The following EPHA3 variants were observed in gnomAD, a reference collection of about 807,000 sequenced individuals.
EPHA3 encodes the protein EPH receptor A3.
EPHA3 carries 42 observed loss-of-function variants against 107.1 expected under a neutral mutation model. The observed-to-expected ratio is 0.39, with a 90% CI of 0.31 to 0.51. The LOEUF is 0.51. EPHA3 is among the 20% of genes least tolerant of loss of function. The pLI is 0.78. For synonymous variants in EPHA3, 461 were observed against 424.8 expected, an observed-to-expected ratio of 1.09 and a Z score of -1.05; for missense variants, 1,183 against 1,211.2, an observed-to-expected ratio of 0.98 and a Z score of 0.35.
chr3:89,230,455 G>C (rs1290017707), intron 3 of EPHA3, among the ~76,000 whole-genome samples: 1 of 152,088 alleles, frequency 6.6e-6, no homozygotes, highest in African/African-American at 2.4e-5. Context: ...CATTGTATGT[G>C]GAGTGAGCTG....
rs778090081 is a variant in EPHA3, at chr3:89,392,364, G to A, written c.1307-3473G>A. Among the ~76,000 whole-genome samples the A allele has an allele frequency of 4.7e-4, 71 of 151,898 alleles. 1 individual carries two copies. Among genetic ancestry groups the A allele is most frequent in the African/African-American group, 5.5e-4 (23 of 41,442 alleles). Reference sequence around the variant, plus strand: ...TGAGGCAGTAGAGTCTCTTGAACCCGAGAAGTGGAGGTGCAGTGAGCCGAG... The same window carrying A: ...TGAGGCAGTAGAGTCTCTTGAACCCAAGAAGTGGAGGTGCAGTGAGCCGAG... On this transcript the variant is annotated intron_variant, in intron 5 of 16. Transcript: ENST00000336596.
chr3:89,170,733 C>A (rs1705193378), intron 2 of EPHA3, among the ~76,000 whole-genome samples: 1 of 152,024 alleles, frequency 6.6e-6, no homozygotes, highest in Non-Finnish European at 1.5e-5. Context: ...AGAAGAGAAA[C>A]ACTTGGGGAT....
At chr3:89,321,799 G>A (rs538910259) in intron 3 of EPHA3, among the ~76,000 whole-genome samples, 1 of 151,970 alleles carries the variant, frequency 6.6e-6, no homozygotes, top group Non-Finnish European at 1.5e-5. Context: ...ACAAGAAAAA[G>A]AAAATTTGGT....
chr3:89,262,451 T>A (rs78952398), intron 3 of EPHA3, among the ~76,000 whole-genome samples: 1 of 152,204 alleles, frequency 6.6e-6, no homozygotes, highest in South Asian at 2.1e-4. Context: ...TGTAGCTATG[T>A]CACTCTCATT....
chr3:89,327,444 C>T (rs1434684181), intron 3 of EPHA3, among the ~76,000 whole-genome samples: 2 of 152,104 alleles, frequency 1.3e-5, no homozygotes, highest in Non-Finnish European at 2.9e-5. Flanking sequence ...TATATCCCCA[C>T]ACTATGTATC....
chr3:89,449,498 A>G, intron 14 of EPHA3, 124 bp downstream of exon 14: 1 of 786,380 alleles, frequency 1.3e-6, no homozygotes, highest in Non-Finnish European at 1.9e-6. Flanking sequence ...TTTAGCAGCA[A>G]TGAAACTGTT....
chr3:89,327,061 A>G (rs1420296083), intron 3 of EPHA3, among the ~76,000 whole-genome samples: 1 of 152,120 alleles, frequency 6.6e-6, no homozygotes, highest in African/African-American at 2.4e-5. Flanking sequence ...GTACATGGTA[A>G]GAAATAAAGG....
intron 2 of EPHA3, among the ~76,000 whole-genome samples, chr3:89,157,100 A>G (rs1704824825): frequency 6.6e-6 from 1 of 152,046 alleles, no homozygotes. Context: ...TGGTTTGCAG[A>G]TATATAAGAA....
rs759710031 is a variant in EPHA3, at chr3:89,127,244, C to T, written c.124C>T (p.Leu42=). The part of the protein sequence containing the change: ...LLDSKTIQGE[L]GWISYPSHGW... ...GGATTCAAAAACAATTCAAGGGGAG[C>T]TGGGCTGGATCTCTTATCCATCACA... Residue 42 remains leucine, a synonymous_variant, in exon 2 of 17, where the codon CTG becomes TTG. Coordinates refer to ENST00000336596, the MANE Select transcript of EPHA3 (RefSeq NM_005233.6). 3 of 1,612,274 alleles carry T rather than the reference C, an allele frequency of 1.9e-6. No homozygotes were observed. The South Asian group carries it at 3.3e-5, about 18-fold the overall frequency.
chr3:89,319,523 T>G (rs1165362802), intron 3 of EPHA3, among the ~76,000 whole-genome samples: 2 of 151,932 alleles, frequency 1.3e-5, no homozygotes, highest in East Asian at 1.9e-4. Flanking sequence ...GCACAGATGT[T>G]AATATTACAA....
At chr3:89,235,167 C>T (rs924755647) in intron 3 of EPHA3, among the ~76,000 whole-genome samples, 1 of 151,680 alleles carries the variant, frequency 6.6e-6, no homozygotes, top group South Asian at 2.1e-4. Flanking sequence ...GGTGATCCAC[C>T]CACCTCGACG....
intron 2 of EPHA3, among the ~76,000 whole-genome samples, chr3:89,185,194 C>T (rs1705534911): frequency 2.0e-5 from 3 of 151,890 alleles, no homozygotes; most frequent in Admixed American, 2.0e-4. Context: ...ATTGTAACAA[C>T]GTCCAGCAAA....
chr3:89,150,113 T>C (rs1704656904), intron 2 of EPHA3, among the ~76,000 whole-genome samples: 1 of 151,970 alleles, frequency 6.6e-6, no homozygotes, highest in Non-Finnish European at 1.5e-5. Context: ...GGAAAGTATA[T>C]GATTCTTAAC....
intron 2 of EPHA3, among the ~76,000 whole-genome samples, chr3:89,136,057 G>A (rs1273694651): frequency 1.3e-5 from 2 of 151,970 alleles, no homozygotes; most frequent in African/African-American, 4.8e-5. Context: ...TTGTGAATGG[G>A]GTTTTATATG....
intron 2 of EPHA3, among the ~76,000 whole-genome samples, chr3:89,180,595 AGGGC>A (rs1472713772): frequency 1.3e-5 from 2 of 152,028 alleles, no homozygotes; most frequent in African/African-American, 4.8e-5. Flanking sequence ...GCAAAGTATA[AGGGC>A]AGCAGTTTAG....
chr3:89,211,073 C>T (rs1704064789), intron 3 of EPHA3, among the ~76,000 whole-genome samples: 1 of 152,004 alleles, frequency 6.6e-6, no homozygotes, highest in Non-Finnish European at 1.5e-5. Flanking sequence ...AGAGCTGATG[C>T]TTCAGTGTTT....
intron 13 of EPHA3, among the ~76,000 whole-genome samples, chr3:89,444,562 T>C (rs1006429356): frequency 3.3e-5 from 5 of 152,148 alleles, no homozygotes; most frequent in African/African-American, 1.2e-4. Context: ...AACAGTGAGC[T>C]TTCCCTTGTA....
chr3:89,250,254 C>T (rs1046514620), intron 3 of EPHA3, among the ~76,000 whole-genome samples: 1 of 152,166 alleles, frequency 6.6e-6, no homozygotes, highest in Non-Finnish European at 1.5e-5. Flanking sequence ...AGCAAAGCTT[C>T]TTTATTTCTT....
intron 12 of EPHA3, among the ~76,000 whole-genome samples, chr3:89,430,289 A>T (rs1194105875): frequency 6.6e-6 from 1 of 152,142 alleles, no homozygotes; most frequent in East Asian, 1.9e-4. Flanking sequence ...TAGATAAAGA[A>T]AATATGTAGT....
Sources: gnomAD v4.1 joint callset for allele counts (sites outside exome capture counted in the v4.1 genomes callset) on GRCh38, gnomAD v4.1.1 for gene constraint, MANE v1.5 for transcripts, NCBI Gene and HGNC (gene_info 2026-07-23, HGNC 2026-07-21) for gene names.